Variants in PODXL2 observed in about 807,000 individuals in gnomAD.
The protein encoded by PODXL2 is podocalyxin like 2, also known as podocalyxin-like protein 2.
A neutral mutation model predicts 53.4 loss-of-function variants in PODXL2; 17 were observed. That is an observed-to-expected ratio of 0.32 (90% CI 0.22 to 0.48). The LOEUF is 0.48. PODXL2 is among the 20% of genes least tolerant of loss of function. PODXL2 has a pLI of 0.99. For synonymous variants in PODXL2, 311 were observed against 306.7 expected (o/e 1.01, Z -0.15); for missense variants, 673 against 760.0 (o/e 0.89, Z 1.35).
At position 127,660,754 on chromosome 3, in the gene PODXL2, C is replaced by T. The variant is rs370979138; in HGVS notation, c.726C>T (p.Ser242=). Residue 242 remains serine, a synonymous_variant, in exon 3 of 8, where the codon AGC becomes AGT. Coordinates refer to ENST00000342480, the MANE Select transcript of PODXL2 (RefSeq NM_015720.4). ...GVEVESSMGP[S]LLLPSVTPTT... Reference sequence around the variant, plus strand: ...AGGTGGAGAGCAGCATGGGGCCCAGCTTGCTGCTGCCTTCAGTCACCCCAA... The same window carrying T: ...AGGTGGAGAGCAGCATGGGGCCCAGTTTGCTGCTGCCTTCAGTCACCCCAA... The T allele has an allele frequency of 5.6e-6, 9 of 1,614,092 alleles. No homozygotes were observed. The highest frequency in any genetic ancestry group is 1.3e-5 in the African/African-American group (1 of 74,934).
At chr3:127,658,406 C>CTTTTTTT (rs60979669) in intron 2 of PODXL2, among the ~76,000 whole-genome samples, 34 of 87,384 alleles carry the variant, frequency 3.9e-4, no homozygotes, top group South Asian at 8.0e-4. Context: ...TTTCCCATGT[C>CTTTTTTT]TTTTTTTTTT....
intron 2 of PODXL2, among the ~76,000 whole-genome samples, chr3:127,641,966 G>T (rs2074623634): frequency 6.6e-6 from 1 of 151,744 alleles, no homozygotes; most frequent in African/African-American, 2.4e-5. Context: ...GGTTTCCTTA[G>T]GATAAATTTC....
chr3:127,655,035 C>T (rs964924324), intron 2 of PODXL2, among the ~76,000 whole-genome samples: 2 of 152,112 alleles, frequency 1.3e-5, no homozygotes, highest in Non-Finnish European at 1.5e-5. Flanking sequence ...CTCTGCCTCC[C>T]GTGTTCAAGC....
chr3:127,669,650 G>A (rs768789659), intron 6 of PODXL2, among the ~76,000 whole-genome samples: 2 of 152,200 alleles, frequency 1.3e-5, no homozygotes, highest in African/African-American at 2.4e-5. Flanking sequence ...TGGCGTGGAC[G>A]TGTGAATCTA....
Position 127,660,944 on chromosome 3 carries a change from T to G in PODXL2, c.916T>G (p.Leu306Val), listed in dbSNP as rs62264121. 127 of 1,614,096 alleles carry G rather than the reference T, an allele frequency of 7.9e-5. No homozygotes were observed. Among genetic ancestry groups the G allele is most frequent in the Non-Finnish European group, 1.0e-4 (123 of 1,180,036 alleles). The change falls in exon 3 of 8, where the codon TTG becomes GTG. Residue 306 changes from leucine to valine, a missense_variant. Transcript: ENST00000342480. ...LSGQHEEVPA[L>V]PSFPQTTAPS... ...TGGCCAGCACGAGGAGGTGCCGGCC[T>G]TGCCTTCATTCCCTCAAACCACAGC...
intron 2 of PODXL2, among the ~76,000 whole-genome samples, chr3:127,650,048 T>C (rs2074678918): frequency 6.6e-6 from 1 of 152,254 alleles, no homozygotes; most frequent in African/African-American, 2.4e-5. Flanking sequence ...GTTGGATAAC[T>C]GACTTGAGAG....
intron 2 of PODXL2, among the ~76,000 whole-genome samples, chr3:127,654,423 C>T (rs1310815914): frequency 6.6e-6 from 1 of 152,184 alleles, no homozygotes; most frequent in African/African-American, 2.4e-5. Context: ...CTCACGGGCC[C>T]TCTCCTGGGA....
chr3:127,662,293 G>T lies in PODXL2; in HGVS notation c.1188G>T (p.Met396Ile). ...LAGKNYIILN[M>I]TENIDCEVFR... ...GGAAAAACTACATCATTCTGAACAT[G>T]ACAGAGAACATAGACTGTGTGAGTG... Residue 396 changes from methionine (M) to isoleucine (I), a missense_variant, in exon 4 of 8, where the codon ATG becomes ATT. Transcript: ENST00000342480. The T allele has an allele frequency of 6.2e-7, 1 of 1,613,856 alleles. No homozygotes were observed. Among genetic ancestry groups the T allele is most frequent in the South Asian group, 1.1e-5 (1 of 91,044 alleles).
chr3:127,654,132 C>G (rs980419646), intron 2 of PODXL2, among the ~76,000 whole-genome samples: 1 of 152,128 alleles, frequency 6.6e-6, no homozygotes, highest in Non-Finnish European at 1.5e-5. Context: ...GCATTTAGTC[C>G]GCATGTCTCT....
chr3:127,658,768 T>C (rs1016858801), intron 2 of PODXL2, among the ~76,000 whole-genome samples: 5 of 152,208 alleles, frequency 3.3e-5, no homozygotes, highest in Non-Finnish European at 5.9e-5. Context: ...TGTAAGTCTT[T>C]TATCATTCAC....
At chr3:127,671,022 G>A (rs1007562347) in intron 6 of PODXL2, among the ~76,000 whole-genome samples, 1 of 152,184 alleles carries the variant, frequency 6.6e-6, no homozygotes, top group African/African-American at 2.4e-5. Context: ...AGGTGGAAGC[G>A]GTTGTATGGT....
intron 2 of PODXL2, among the ~76,000 whole-genome samples, chr3:127,655,566 T>C (rs1036179376): frequency 2.0e-5 from 3 of 152,224 alleles, no homozygotes; most frequent in African/African-American, 7.2e-5. Flanking sequence ...ATTTTTATTT[T>C]ACACTTAAGG....
intron 4 of PODXL2, among the ~76,000 whole-genome samples, chr3:127,663,830 G>A (rs1274437541): frequency 1.3e-5 from 2 of 152,140 alleles, no homozygotes; most frequent in African/African-American, 4.8e-5. Context: ...AACTTTTGGT[G>A]TGCATACTTG....
intron 2 of PODXL2, among the ~76,000 whole-genome samples, chr3:127,642,231 A>G (rs1385662726): frequency 6.6e-6 from 1 of 150,536 alleles, no homozygotes; most frequent in Non-Finnish European, 1.5e-5. Flanking sequence ...TGGAGGTTGC[A>G]GTGAGCTGAG....
rs1410760314 is a variant in PODXL2, at chr3:127,660,963, C to T, written c.935C>T (p.Thr312Ile). 3.1e-6 allele frequency: 5 copies of T among 1,614,130 alleles called. No individual in the cohort carries two copies. In the African/African-American group the frequency reaches 5.3e-5, roughly 17 times the overall value. ...EVPALPSFPQ[T>I]TAPSGAEHPD... Reference sequence around the variant, plus strand: ...CCGGCCTTGCCTTCATTCCCTCAAACCACAGCTCCCAGTGGGGCCGAGCAC... The same window carrying T: ...CCGGCCTTGCCTTCATTCCCTCAAATCACAGCTCCCAGTGGGGCCGAGCAC... The change falls in exon 3 of 8, where the codon ACC (threonine) becomes ATC (isoleucine). Residue 312 changes from threonine to isoleucine, a missense_variant. Physicochemically the swap from Thr to Ile is moderately conservative, Grantham distance 89. Coordinates refer to ENST00000342480, the MANE Select transcript of PODXL2 (RefSeq NM_015720.4).
chr3:127,660,803 G>T lies in PODXL2; in HGVS notation c.775G>T (p.Asp259Tyr). 6.2e-7 allele frequency: 1 copy of T among 1,614,218 alleles called. No homozygotes were observed. The highest frequency in any genetic ancestry group is 8.5e-7 in the Non-Finnish European group (1 of 1,180,020). Residue 259 changes from aspartate (D) to tyrosine (Y), a missense_variant, in exon 3 of 8, where the codon GAC becomes TAC. Coordinates refer to ENST00000342480, the MANE Select transcript of PODXL2 (RefSeq NM_015720.4). ...TPTTVTPGDQDSTSQEAEATV... is the reference protein window; with the variant it reads ...TPTTVTPGDQYSTSQEAEATV... ...AACTACAGTGACTCCGGGGGACCAGGACTCCACCAGCCAAGAGGCAGAGGC... is the reference window on the plus strand; with the variant it reads ...AACTACAGTGACTCCGGGGGACCAGTACTCCACCAGCCAAGAGGCAGAGGC...
chr3:127,631,146 A>T (rs528149650), intron 1 of PODXL2, among the ~76,000 whole-genome samples: 4 of 152,170 alleles, frequency 2.6e-5, no homozygotes, highest in African/African-American at 9.7e-5. Flanking sequence ...TCAGGTGCTT[A>T]CAGAGTGGAG....
At chr3:127,659,335 A>G (rs1366954362) in intron 2 of PODXL2, among the ~76,000 whole-genome samples, 1 of 152,030 alleles carries the variant, frequency 6.6e-6, no homozygotes, top group East Asian at 1.9e-4. Flanking sequence ...TCTGCTTTCC[A>G]TGTTCCCAGA....
At chr3:127,668,367 TG>T in intron 4 of PODXL2, 73 bp from the exon 5 acceptor site, 2 of 1,339,494 alleles carry the variant, frequency 1.5e-6, no homozygotes, top group East Asian at 2.7e-5. Context: ...AGTACGGGGC[TG>T]GGCCTAGAGG....
Sources: allele counts gnomAD v4.1 joint callset (sites outside exome capture counted in the v4.1 genomes callset), GRCh38; gene constraint gnomAD v4.1.1; transcripts MANE v1.5; gene names NCBI Gene and HGNC (gene_info 2026-07-23, HGNC 2026-07-21).